IL17RC: variants seen among roughly 807,000 people sequenced by gnomAD.
IL17RC encodes interleukin 17 receptor C.
In IL17RC, 53 loss-of-function variants were observed where a neutral mutation model predicts 86.7. The ratio of observed to expected loss-of-function variants is 0.61; its 90% confidence interval spans 0.49 to 0.77. The LOEUF is 0.77. Among genes scored for constraint, IL17RC ranks in the 30% least tolerant of loss-of-function variants. The pLI is 0.00. For synonymous variants in IL17RC, 439 were observed against 413.1 expected (o/e 1.06, Z -0.76); for missense variants, 957 against 940.0 (o/e 1.02, Z -0.24).
intron 5 of IL17RC, 54 bp from the exon 6 acceptor site, chr3:9,920,437 T>C: frequency 9.1e-7 from 1 of 1,095,522 alleles, no homozygotes; most frequent in Non-Finnish European, 1.4e-6. Context: ...CCACAGCCCT[T>C]GGCCTGGATT....
Position 9,930,076 on chromosome 3 carries a change from G to A in IL17RC, c.1205G>A (p.Gly402Asp), listed in dbSNP as rs754805598. The change falls in exon 14 of 19, where the codon GGC becomes GAC. Residue 402 changes from glycine (G) to aspartate (D), a missense_variant. Physicochemically the swap from Gly to Asp is moderately conservative, Grantham distance 94 (BLOSUM62 -1). Transcript: ENST00000403601. The surrounding 1 kb of genome is among the most constrained non-coding windows in gnomAD (Gnocchi z 5.8). Reference protein sequence around the residue: ...KDDVLLLETRGPQDNRSLCAL... With the variant: ...KDDVLLLETRDPQDNRSLCAL... ...GATGTGCTACTGTTGGAGACACGAG[G>A]CCCCCAGGACAACAGATCCCTCTGT... is the stretch of plus-strand genomic sequence containing the variant. 6.2e-7 allele frequency: 1 copy of A among 1,614,072 alleles called. No homozygotes were observed. Among genetic ancestry groups the A allele is most frequent in the African/African-American group, 1.3e-5 (1 of 75,024 alleles).
chr3:9,931,470 C>CACACACACAT (rs750351615), intron 16 of IL17RC, among the ~76,000 whole-genome samples: 4 of 43,730 alleles, frequency 9.1e-5, no homozygotes, highest in Non-Finnish European at 1.9e-4. Context: ...CACACACACA[C>CACACACACAT]ATATATATAT....
chr3:9,920,565 G>C lies in IL17RC; in HGVS notation c.540G>C (p.Arg180Ser). ...GAATCTGGTCCTATACTCAGCCCAG[G>C]TACGAGAAGGAACTCAACCACACAC... is the stretch of plus-strand genomic sequence containing the variant. ...EVRIWSYTQP[R>S]YEKELNHTQQ... Residue 180 changes from arginine (R) to serine (S), a missense_variant, in exon 6 of 19, where the codon AGG becomes AGC. Transcript: ENST00000403601. The C allele has an allele frequency of 1.2e-6, 2 of 1,608,170 alleles. No homozygotes were observed. The highest frequency in any genetic ancestry group is 1.7e-6 in the Non-Finnish European group (2 of 1,176,756).
Position 9,933,453 on chromosome 3 carries a change from G to A in IL17RC, c.2023G>A (p.Gly675Arg), listed in dbSNP as rs2084993407. The change falls in exon 19 of 19, where the codon GGG becomes AGG. Residue 675 changes from glycine to arginine, a missense_variant. Gly to Arg is a moderately radical substitution (Grantham distance 125, BLOSUM62 -2). Transcript: ENST00000403601. ...ALQQPRAPRS[G>R]RLQERAEQVS... is the part of the protein sequence containing the mutation. The stretch of plus-strand genomic sequence containing the variant: ...GCAGCAGCCTCGCGCCCCGCGTTCC[G>A]GGCGGCTCCAAGAGAGAGCGGAGCA... The A allele has an allele frequency of 3.7e-6, 6 of 1,613,046 alleles. No homozygotes were observed. In the South Asian group the frequency reaches 6.6e-5, roughly 18 times the overall value.
chr3:9,924,404 G>A (rs1286068203), intron 9 of IL17RC, 113 bp downstream of exon 9: 9 of 1,106,074 alleles, frequency 8.1e-6, no homozygotes, highest in East Asian at 5.0e-5. Context: ...GGTGGAGACT[G>A]TGGCTCCCTG....
chr3:9,921,952 CTTT>C (rs35608782), intron 7 of IL17RC, among the ~76,000 whole-genome samples: 1 of 88,200 alleles, frequency 1.1e-5, no homozygotes, highest in Non-Finnish European at 2.1e-5. Flanking sequence ...ATGTCCAGTT[CTTT>C]TTTTTTTTTT....
intron 13 of IL17RC, 36 bp from the exon 14 acceptor site, chr3:9,929,992 T>C (rs1188693059): frequency 1.2e-6 from 2 of 1,613,604 alleles, no homozygotes; most frequent in African/African-American, 1.3e-5. Context: ...CCAGCAAGGA[T>C]GGGTCTTGGT....
intron 7 of IL17RC, among the ~76,000 whole-genome samples, chr3:9,922,110 G>A (rs1214724665): frequency 2.0e-5 from 3 of 151,708 alleles, no homozygotes; most frequent in East Asian, 1.9e-4. Context: ...GCACCACCAC[G>A]CACAGCTAAT....
At position 9,928,370 on chromosome 3, in the gene IL17RC, C is replaced by A; in HGVS notation, c.943C>A (p.Leu315Met). The A allele has an allele frequency of 1.2e-6, 2 of 1,605,554 alleles. No homozygotes were observed. Among genetic ancestry groups the A allele is most frequent in the Non-Finnish European group, 1.7e-6 (2 of 1,175,030 alleles). Residue 315 changes from leucine (L) to methionine (M), a missense_variant, in exon 11 of 19, where the codon CTG (leucine) becomes ATG (methionine). Physicochemically the swap from Leu to Met is conservative, Grantham distance 15. Transcript: ENST00000403601. Reference protein sequence around the residue: ...RLQLLTLQSWLLDAPCSLPAE... With the variant: ...RLQLLTLQSWMLDAPCSLPAE... Reference sequence around the variant, plus strand: ...GCAACTGCTGACCCTGCAGAGCTGGCTGCTGGACGCACCGTGCTCGCTGCC... The same window carrying A: ...GCAACTGCTGACCCTGCAGAGCTGGATGCTGGACGCACCGTGCTCGCTGCC...
chr3:9,920,673 C>A (rs1575534738), intron 6 of IL17RC, 71 bp downstream of exon 6: 2 of 1,038,140 alleles, frequency 1.9e-6, no homozygotes, highest in East Asian at 5.2e-5. Flanking sequence ...TGATTTCACC[C>A]TCTTCTAGCT....
intron 9 of IL17RC, 108 bp from the exon 10 acceptor site, chr3:9,928,058 G>A: frequency 9.6e-7 from 1 of 1,039,024 alleles, no homozygotes; most frequent in Non-Finnish European, 1.5e-6. Context: ...GGAAGACCCA[G>A]CAAGTGTTTG....
intron 9 of IL17RC, 90 bp from the exon 10 acceptor site, chr3:9,928,076 C>T (rs1032539640): frequency 1.6e-6 from 2 of 1,224,514 alleles, no homozygotes; most frequent in African/African-American, 1.5e-5. Flanking sequence ...TTGTGAAATA[C>T]CTGCTGAATG....
chr3:9,928,336 C>A lies in IL17RC; in HGVS notation c.909C>A (p.Ala303=). The change falls in exon 11 of 19, where the codon GCC becomes GCA. Residue 303 remains alanine (A), a synonymous_variant. Transcript: ENST00000403601. Reference sequence around the variant, plus strand: ...GCGCACACCAGAACCTCTGGCAAGCCGCCCGACTGCAACTGCTGACCCTGC... The same window carrying A: ...GCGCACACCAGAACCTCTGGCAAGCAGCCCGACTGCAACTGCTGACCCTGC... ...DPRAHQNLWQ[A]ARLQLLTLQS... is the part of the protein sequence containing the mutation. The A allele has an allele frequency of 6.2e-7, 1 of 1,603,236 alleles. No homozygotes were observed. The highest frequency in any genetic ancestry group is 8.5e-7 in the Non-Finnish European group (1 of 1,172,838).
intron 5 of IL17RC, 80 bp from the exon 6 acceptor site, chr3:9,920,411 G>C: frequency 1.3e-6 from 1 of 794,566 alleles, no homozygotes; most frequent in Non-Finnish European, 2.2e-6. Flanking sequence ...GAGCAGAGTG[G>C]TCCCTGCAGA....
intron 16 of IL17RC, 49 bp from the exon 17 acceptor site, chr3:9,932,559 C>T: frequency 6.5e-7 from 1 of 1,532,892 alleles, no homozygotes; most frequent in Non-Finnish European, 9.0e-7. Flanking sequence ...CTCAGTTTTT[C>T]TTCTCTGTGG....
At chr3:9,931,249 G>A (rs1274220565) in intron 16 of IL17RC, among the ~76,000 whole-genome samples, 1 of 151,920 alleles carries the variant, frequency 6.6e-6, no homozygotes, top group African/African-American at 2.4e-5. Flanking sequence ...ATACAATGTG[G>A]ACCTGACCTG....
At chr3:9,931,470 C>CACACACACACACACACAT (rs750351615) in intron 16 of IL17RC, among the ~76,000 whole-genome samples, 11 of 43,748 alleles carry the variant, frequency 2.5e-4, no homozygotes, top group African/African-American at 5.5e-4. Flanking sequence ...CACACACACA[C>CACACACACACACACACAT]ATATATATAT....
At chr3:9,924,119 C>G (rs981272152) in intron 8 of IL17RC, 99 bp downstream of exon 8, 1 of 1,608,796 alleles carries the variant, frequency 6.2e-7, no homozygotes, top group Non-Finnish European at 8.5e-7. Context: ...GAGGACTCAC[C>G]CCAAGCAAGG....
In IL17RC at chr3:9,928,227, C is replaced by G. The variant is rs11917994; in HGVS notation, c.877+7C>G. 3.1e-6 allele frequency: 5 copies of G among 1,606,540 alleles called. No homozygotes were observed. The South Asian group carries it at 5.5e-5, about 18-fold the overall frequency. ...ATCTGCCCCTTCAGGGAGGGTGAGC[C>G]GACCGGCCTGGGGCTGGGGTTGGGG... On this transcript the variant is annotated splice_region_variant and intron_variant, in intron 10 of 18. Coordinates refer to ENST00000403601, the MANE Select transcript of IL17RC (RefSeq NM_153460.4).
Sources: allele counts gnomAD v4.1 joint callset (sites outside exome capture counted in the v4.1 genomes callset), GRCh38; gene constraint gnomAD v4.1.1; non-coding constraint Gnocchi (gnomAD v3.1); transcripts MANE v1.5; gene names NCBI Gene and HGNC (gene_info 2026-07-23, HGNC 2026-07-21).